Variants in RAD18 observed in about 807,000 individuals in gnomAD.
The protein encoded by RAD18 is RAD18 E3 ubiquitin protein ligase.
RAD18 carries 47 observed loss-of-function variants against 60.4 expected under a neutral mutation model. The ratio of observed to expected loss-of-function variants is 0.78; its 90% CI spans 0.62 to 0.99. The LOEUF is 0.99. Ranked by LOEUF, RAD18 falls within the 50% of genes least tolerant of loss-of-function variation. The pLI is 0.00. For missense variants in RAD18, 640 were observed against 593.3 expected, an observed-to-expected ratio of 1.08 and a Z score of -0.82; for synonymous variants, 225 against 195.5, an observed-to-expected ratio of 1.15 and a Z score of -1.26.
In RAD18 at chr3:8,877,629, C is replaced by T. The variant is rs1473637264; in HGVS notation, c.*3728G>A. On this transcript the variant is annotated 3_prime_UTR_variant, in exon 13 of 13. Coordinates refer to ENST00000264926, the MANE Select transcript of RAD18 (RefSeq NM_020165.4). Reference sequence around the variant, plus strand: ...TTGCATGTTTGATAGTGCCATGAACCTCTCTTTTGTTGCACTCATCACAGT... The same window carrying T: ...TTGCATGTTTGATAGTGCCATGAACTTCTCTTTTGTTGCACTCATCACAGT... 6.6e-6 allele frequency: 1 copy of T among 152,178 alleles called. No homozygotes were observed. The highest frequency in any genetic ancestry group is 2.4e-5 in the African/African-American group (1 of 41,446). The allele number at this position is 152,178 out of a possible 1,614,324, so 9.4% of individuals were successfully genotyped here. A position where few individuals can be genotyped will look rare whatever the true frequency, so the allele number is the denominator to read the frequency against.
Position 8,963,439 on chromosome 3 carries a change from A to G in RAD18, c.-54T>C. ...CCACCCACTAGCCTCCGGCGCTCCA[A>G]CACCACTCGAAATTCCCCGCGCTAC... On this transcript the variant is annotated 5_prime_UTR_variant, in exon 1 of 13. Transcript: ENST00000264926. 3.4e-6 allele frequency: 5 copies of G among 1,479,256 alleles called. No homozygotes were observed. The highest frequency in any genetic ancestry group is 1.2e-5 in the South Asian group (1 of 82,358). 91.6% of individuals were successfully genotyped at this position (1,479,256 alleles called of 1,614,324 possible).
intron 7 of RAD18, among the ~76,000 whole-genome samples, chr3:8,933,850 T>A (rs892582943): frequency 1.3e-5 from 2 of 152,136 alleles, no homozygotes; most frequent in African/African-American, 2.4e-5. Context: ...TCAACCTCAA[T>A]AAACAAAACT....
At chr3:8,895,528 T>C (rs945041106) in intron 11 of RAD18, among the ~76,000 whole-genome samples, 1 of 152,210 alleles carries the variant, frequency 6.6e-6, no homozygotes, top group Non-Finnish European at 1.5e-5. Context: ...TTTGTCTTCC[T>C]TACTGTCTAC....
Position 8,879,891 on chromosome 3 carries a change from G to C in RAD18, c.*1466C>G, listed in dbSNP as rs903436515. 6.6e-6 allele frequency: 1 copy of C among 152,172 alleles called. No individual in the cohort carries two copies. Among genetic ancestry groups the C allele is most frequent in the African/African-American group, 2.4e-5 (1 of 41,434 alleles). 9.4% of individuals were successfully genotyped at this position (152,172 alleles called of 1,614,324 possible). ...GCAATTAAAGTAATAATTACTTCCA[G>C]TTTAATTTATAGACTATATAATTTG... is the stretch of plus-strand genomic sequence containing the variant. On this transcript the variant is annotated 3_prime_UTR_variant, in exon 13 of 13. Coordinates refer to ENST00000264926, the MANE Select transcript of RAD18 (RefSeq NM_020165.4).
chr3:8,907,874 C>T (rs1048666591), intron 9 of RAD18, among the ~76,000 whole-genome samples: 9 of 152,150 alleles, frequency 5.9e-5, no homozygotes, highest in Non-Finnish European at 1.3e-4. Flanking sequence ...TGCTACGGGG[C>T]CTGCACAGAG....
At chr3:8,919,222 C>G (rs1940265851) in intron 7 of RAD18, among the ~76,000 whole-genome samples, 1 of 151,986 alleles carries the variant, frequency 6.6e-6, no homozygotes. Context: ...AAAAATAGGC[C>G]AGGATCTGCA....
intron 10 of RAD18, among the ~76,000 whole-genome samples, chr3:8,899,991 T>C (rs914956399): frequency 1.3e-5 from 2 of 152,152 alleles, no homozygotes; most frequent in South Asian, 4.1e-4. Context: ...ATTGTCAAGG[T>C]TTGATTATAC....
chr3:8,944,655 A>G (rs1408420324), intron 4 of RAD18, among the ~76,000 whole-genome samples: 1 of 127,298 alleles, frequency 7.9e-6, no homozygotes, highest in Non-Finnish European at 1.6e-5. Context: ...AGGAAAGCAG[A>G]GAGGGAGGGA....
rs144991524 is a variant in RAD18 at position 8,883,704 on chromosome 3, T to C, written c.1386-2245A>G. On this transcript the variant is annotated intron_variant, in intron 12 of 12. Transcript: ENST00000264926. Reference sequence around the variant, plus strand: ...GTCTTTCCTAAGCATGCACGGAAGCTCTATGAATGAGAGTGACCCTCTAGA... The same window carrying C: ...GTCTTTCCTAAGCATGCACGGAAGCCCTATGAATGAGAGTGACCCTCTAGA... Among the ~76,000 whole-genome samples, 6 of 152,268 alleles carry C rather than the reference T, an allele frequency of 3.9e-5. No homozygotes were observed. In the South Asian group the frequency reaches 1.0e-3, roughly 26 times the overall value.
At chr3:8,938,324 AT>A (rs1311598278) in intron 6 of RAD18, among the ~76,000 whole-genome samples, 2 of 152,198 alleles carry the variant, frequency 1.3e-5, no homozygotes, top group Non-Finnish European at 2.9e-5. Context: ...AACAGTATGA[AT>A]CTGACCCTCA....
intron 2 of RAD18, among the ~76,000 whole-genome samples, chr3:8,948,966 T>C (rs1161937267): frequency 1.3e-5 from 2 of 152,184 alleles, no homozygotes; most frequent in Non-Finnish European, 2.9e-5. Flanking sequence ...ATATCCAGGT[T>C]ATCACATTAG....
intron 7 of RAD18, among the ~76,000 whole-genome samples, chr3:8,920,872 T>A (rs1403497766): frequency 6.6e-6 from 1 of 152,210 alleles, no homozygotes; most frequent in African/African-American, 2.4e-5. Flanking sequence ...CAAAACTGGA[T>A]CATGTACTGC....
intron 10 of RAD18, among the ~76,000 whole-genome samples, chr3:8,901,969 G>C (rs1939920146): frequency 6.6e-6 from 1 of 152,196 alleles, no homozygotes; most frequent in Non-Finnish European, 1.5e-5. Context: ...AACGTGCTCT[G>C]TATTAGCCTA....
intron 7 of RAD18, among the ~76,000 whole-genome samples, chr3:8,920,048 C>T (rs1435868458): frequency 2.0e-5 from 3 of 152,202 alleles, no homozygotes; most frequent in South Asian, 2.1e-4. Context: ...TTTGGGAGGC[C>T]AAGGCAGACA....
At chr3:8,894,759 CTTTTT>C (rs71625397) in intron 11 of RAD18, among the ~76,000 whole-genome samples, 2 of 120,810 alleles carry the variant, frequency 1.7e-5, no homozygotes, top group Non-Finnish European at 3.3e-5. Flanking sequence ...AGTTTAAGCG[CTTTTT>C]TTTTTTTTTT....
chr3:8,926,939 C>T (rs1282905482), intron 7 of RAD18, among the ~76,000 whole-genome samples: 2 of 152,028 alleles, frequency 1.3e-5, no homozygotes, highest in African/African-American at 4.8e-5. Flanking sequence ...AATGTTAGAC[C>T]TATAACCATA....
chr3:8,916,746 G>T (rs1021354728), intron 7 of RAD18, among the ~76,000 whole-genome samples: 38 of 151,546 alleles, frequency 2.5e-4, no homozygotes, highest in Admixed American at 1.7e-3. Context: ...GCTAAGGAAA[G>T]AATCAGTGAA....
rs779466926 is a variant in RAD18 at position 8,941,499 on chromosome 3, G to A, written c.572C>T (p.Pro191Leu). Reference protein sequence around the residue: ...DPSEAKRPEPPSTSTLKQVTK... With the variant: ...DPSEAKRPEPLSTSTLKQVTK... ...AACTTGTTTCAAAGTGGATGTCGAG[G>A]GTGGCTCAGGACGCTTAGCCTCTGA... The change falls in exon 5 of 13, where the codon CCC becomes CTC. Residue 191 changes from proline (P) to leucine (L), a missense_variant. By Grantham distance (98) the Pro-to-Leu change is moderately conservative (BLOSUM62 -3). Coordinates refer to ENST00000264926, the MANE Select transcript of RAD18 (RefSeq NM_020165.4). 1.3e-4 allele frequency: 202 copies of A among 1,612,176 alleles called. No homozygotes were observed. In the Middle Eastern group the frequency reaches 3.3e-3, roughly 26 times the overall value.
chr3:8,949,377 A>G (rs369183211), intron 2 of RAD18, among the ~76,000 whole-genome samples: 1 of 152,188 alleles, frequency 6.6e-6, no homozygotes, highest in South Asian at 2.1e-4. Flanking sequence ...AGACAGCATA[A>G]TTTCAATGGT....
Sources: gnomAD v4.1 joint callset for allele counts (sites outside exome capture counted in the v4.1 genomes callset) on GRCh38, gnomAD v4.1.1 for gene constraint, MANE v1.5 for transcripts, NCBI Gene and HGNC (gene_info 2026-07-23, HGNC 2026-07-21) for gene names.